THSD7B: variants seen among roughly 807,000 people sequenced by gnomAD.
THSD7B encodes the protein thrombospondin type-1 domain-containing protein 7B.
Under a neutral mutation model 213.6 loss-of-function variants are expected in THSD7B, and 138 were observed. That is an observed-to-expected ratio of 0.65 (90% CI 0.56 to 0.74). THSD7B has a LOEUF of 0.74. THSD7B is among the 30% of genes least tolerant of loss of function. THSD7B has a pLI of 0.00. For synonymous variants in THSD7B, 742 were observed against 687.0 expected (o/e 1.08, Z -1.25); for missense variants, 1,931 against 1,991.5 (o/e 0.97, Z 0.58).
At chr2:137,250,373 A>G (rs945185525) in intron 10 of THSD7B, among the ~76,000 whole-genome samples, 1 of 152,194 alleles carries the variant, frequency 6.6e-6, no homozygotes, top group Non-Finnish European at 1.5e-5. Flanking sequence ...TCACCTGCCT[A>G]GAGTTAATAA....
intron 15 of THSD7B, among the ~76,000 whole-genome samples, chr2:137,543,918 A>G (rs1387102000): frequency 6.6e-6 from 1 of 151,778 alleles, no homozygotes; most frequent in African/African-American, 2.4e-5. Flanking sequence ...AAATGAAAAT[A>G]AAAATGATAT....
At chr2:137,384,100 T>C (rs1685840281) in intron 12 of THSD7B, among the ~76,000 whole-genome samples, 1 of 152,140 alleles carries the variant, frequency 6.6e-6, no homozygotes, top group African/African-American at 2.4e-5. Flanking sequence ...CTAGCTTTGC[T>C]CTCCAGGCAT....
intron 15 of THSD7B, among the ~76,000 whole-genome samples, chr2:137,488,084 G>A (rs1288720831): frequency 8.6e-5 from 13 of 151,736 alleles, no homozygotes; most frequent in Non-Finnish European, 1.8e-4. Flanking sequence ...TTCTTAAGGT[G>A]TTTAGCTGCA....
intron 5 of THSD7B, among the ~76,000 whole-genome samples, chr2:137,145,198 A>G (rs1239800268): frequency 6.6e-6 from 1 of 152,054 alleles, no homozygotes; most frequent in African/African-American, 2.4e-5. Context: ...ATTATCATAG[A>G]TATAAAATAA....
intron 6 of THSD7B, among the ~76,000 whole-genome samples, chr2:137,162,590 T>C (rs1247219589): frequency 3.9e-5 from 6 of 152,164 alleles, no homozygotes; most frequent in Non-Finnish European, 8.8e-5. Flanking sequence ...TAGGTGCTTG[T>C]TAAATAGATG....
At chr2:137,432,173 A>C (rs899209497) in intron 14 of THSD7B, among the ~76,000 whole-genome samples, 9 of 152,128 alleles carry the variant, frequency 5.9e-5, no homozygotes. Context: ...TGGGTGGATC[A>C]CGAGGTCAGG....
At chr2:136,915,944 C>T (rs1188753681) in intron 2 of THSD7B, among the ~76,000 whole-genome samples, 2 of 152,154 alleles carry the variant, frequency 1.3e-5, no homozygotes, top group Non-Finnish European at 2.9e-5. Flanking sequence ...ACTTGAAGTA[C>T]ATTTTAAAAC....
intron 20 of THSD7B, among the ~76,000 whole-genome samples, chr2:137,626,499 G>A (rs1284853827): frequency 6.7e-6 from 1 of 150,350 alleles, no homozygotes; most frequent in East Asian, 1.9e-4. Context: ...AAAAGAAAAT[G>A]CCTTCAGGGC....
Position 137,020,829 on chromosome 2 carries a change from T to A in THSD7B, c.140-35591T>A, listed in dbSNP as rs1558889799. On this transcript the variant is annotated intron_variant, in intron 2 of 27. Coordinates refer to ENST00000409968, the MANE Select transcript of THSD7B (RefSeq NM_001316349.2). ...GGGCCACCACTGCTCATTATCATAC[T>A]AAATTCCATTTTTCACCTGGACATA... Among the ~76,000 whole-genome samples, 3 of 152,192 alleles carry A rather than the reference T, an allele frequency of 2.0e-5. No individual in the cohort carries two copies. The South Asian group carries it at 6.2e-4, about 31-fold the overall frequency.
At chr2:137,012,490 G>T (rs1211029462) in intron 2 of THSD7B, among the ~76,000 whole-genome samples, 1 of 152,178 alleles carries the variant, frequency 6.6e-6, no homozygotes, top group Non-Finnish European at 1.5e-5. Flanking sequence ...GAAGTGAATG[G>T]TTTGGTTTAA....
At chr2:136,919,131 T>C (rs1684394753) in intron 2 of THSD7B, among the ~76,000 whole-genome samples, 1 of 152,148 alleles carries the variant, frequency 6.6e-6, no homozygotes, top group South Asian at 2.1e-4. Flanking sequence ...ATGCATGCAG[T>C]TTAGGAGAGC....
Position 137,160,324 on chromosome 2 carries a change from G to A in THSD7B, c.1481G>A (p.Gly494Asp). The change falls in exon 6 of 28, where the codon GGC becomes GAC. Residue 494 changes from glycine to aspartate, a missense_variant. Coordinates refer to ENST00000409968, the MANE Select transcript of THSD7B (RefSeq NM_001316349.2). ...ATAGTATCTTCCTGGTCAGCCTGGGGCCTGTGCATCCATGAAAACTGTCAT... is the reference window on the plus strand; with the variant it reads ...ATAGTATCTTCCTGGTCAGCCTGGGACCTGTGCATCCATGAAAACTGTCAT... Reference protein sequence around the residue: ...DCIVSSWSAWGLCIHENCHDP... With the variant: ...DCIVSSWSAWDLCIHENCHDP... 1 of 1,613,596 alleles carries A rather than the reference G, an allele frequency of 6.2e-7. No individual in the cohort carries two copies. The highest frequency in any genetic ancestry group is 1.3e-5 in the African/African-American group (1 of 75,024).
chr2:137,309,874 T>C (rs1490614378), intron 12 of THSD7B, among the ~76,000 whole-genome samples: 1 of 152,206 alleles, frequency 6.6e-6, no homozygotes, highest in Non-Finnish European at 1.5e-5. Context: ...CCATGGTGTA[T>C]ATGTGCCGCA....
rs1282108831 is a variant in THSD7B at position 137,413,990 on chromosome 2, G to T, written c.2959+2118G>T. 1.2e-4 allele frequency among the ~76,000 whole-genome samples: 19 copies of T among 152,266 alleles called. No individual in the cohort carries two copies. The East Asian group carries it at 3.5e-3, about 28-fold the overall frequency. ...TAGAATTGACAAGATTATTCCAAATGCAAGTCGTCTTTTCTATATGTTATC... is the reference window on the plus strand; with the variant it reads ...TAGAATTGACAAGATTATTCCAAATTCAAGTCGTCTTTTCTATATGTTATC... On this transcript the variant is annotated intron_variant, in intron 14 of 27. Coordinates refer to ENST00000409968, the MANE Select transcript of THSD7B (RefSeq NM_001316349.2).
chr2:137,675,940 G>A (rs1447820507), intron 27 of THSD7B, among the ~76,000 whole-genome samples: 2 of 152,216 alleles, frequency 1.3e-5, no homozygotes, highest in Non-Finnish European at 1.5e-5. Context: ...TGGGAATGTT[G>A]TTAACTTAAG....
chr2:137,077,800 C>A (rs1310586788), intron 3 of THSD7B, among the ~76,000 whole-genome samples: 1 of 151,048 alleles, frequency 6.6e-6, no homozygotes, highest in Non-Finnish European at 1.5e-5. Flanking sequence ...ATGGTAGTTT[C>A]TTTTGCTGTG....
At chr2:137,054,827 A>T (rs1223064540) in intron 2 of THSD7B, among the ~76,000 whole-genome samples, 2 of 151,640 alleles carry the variant, frequency 1.3e-5, no homozygotes, top group Non-Finnish European at 2.9e-5. Context: ...GGTTTGTTAC[A>T]TAGGTATACA....
At chr2:136,806,484 A>G (rs1682283269) in intron 1 of THSD7B, among the ~76,000 whole-genome samples, 1 of 152,264 alleles carries the variant, frequency 6.6e-6, no homozygotes, top group South Asian at 2.1e-4. Context: ...ATAATGGGAT[A>G]TGACACAACT....
chr2:136,855,458 C>T (rs1271797594), intron 1 of THSD7B, among the ~76,000 whole-genome samples: 1 of 152,070 alleles, frequency 6.6e-6, no homozygotes, highest in Non-Finnish European at 1.5e-5. Context: ...CAGAGTCTCA[C>T]TCTGTGGCCC....
Sources: allele counts gnomAD v4.1 joint callset (sites outside exome capture counted in the v4.1 genomes callset), GRCh38; gene constraint gnomAD v4.1.1; transcripts MANE v1.5; gene names NCBI Gene and HGNC (gene_info 2026-07-23, HGNC 2026-07-21).